The following SEPTIN9 variants were observed in gnomAD, a reference collection of about 807,000 sequenced individuals.
SEPTIN9 encodes the protein septin 9.
SEPTIN9 carries 13 observed loss-of-function variants against 56.6 expected under a neutral mutation model. The observed-to-expected ratio is 0.23, with a 90% CI of 0.15 to 0.37. SEPTIN9 has a LOEUF of 0.37. Ranked by LOEUF, SEPTIN9 falls within the 10% of genes least tolerant of loss-of-function variation. The pLI is 1.00. For missense variants in SEPTIN9, 650 were observed against 823.1 expected (o/e 0.79, Z 2.57); for synonymous variants, 332 against 334.1 (o/e 0.99, Z 0.07).
chr17:77,374,381 T>G (rs1392108434), intron 2 of SEPTIN9: 1 of 152,592 alleles, frequency 6.6e-6, no homozygotes, highest in Admixed American at 6.5e-5. Context: ...CTTTCCTGCG[T>G]CCTCTTGACT....
At chr17:77,338,511 C>T (rs899249750) in intron 2 of SEPTIN9, among the ~76,000 whole-genome samples, 1 of 152,078 alleles carries the variant, frequency 6.6e-6, no homozygotes, top group Non-Finnish European at 1.5e-5. Flanking sequence ...CTCTGCCTCC[C>T]GGGTTCAAGC....
At chr17:77,320,461 A>C (rs975484574) in intron 2 of SEPTIN9, 33 of 953,444 alleles carry the variant, frequency 3.5e-5, no homozygotes, top group Non-Finnish European at 5.5e-5. Context: ...TTTTTCACAG[A>C]AATATTTCTT....
rs1167031130 is a variant in SEPTIN9, at chr17:77,475,882, A to G, written c.722-6262A>G. 5 of 1,611,888 alleles carry G rather than the reference A, an allele frequency of 3.1e-6. No homozygotes were observed. In the South Asian group the frequency reaches 5.5e-5, roughly 18 times the overall value. On this transcript the variant is annotated intron_variant, in intron 3 of 11. Transcript: ENST00000427177. This position sits in a 1 kb window ranked among gnomAD's most constrained non-coding sequence, Gnocchi z 4.6. Reference sequence around the variant, plus strand: ...GGATGACCTTGCATTCTGCTTGGCCACCATTGGCAGTGACAGACAAGGTGT... The same window carrying G: ...GGATGACCTTGCATTCTGCTTGGCCGCCATTGGCAGTGACAGACAAGGTGT...
intron 2 of SEPTIN9, chr17:77,373,264 G>C: frequency 8.8e-7 from 1 of 1,140,780 alleles, no homozygotes; most frequent in Non-Finnish European, 1.1e-6. Flanking sequence ...GCGGGAACCT[G>C]ATCCGCCCGG....
intron 2 of SEPTIN9, among the ~76,000 whole-genome samples, chr17:77,363,843 CA>C (rs774992434): frequency 6.6e-6 from 1 of 151,670 alleles, no homozygotes; most frequent in Non-Finnish European, 1.5e-5. Flanking sequence ...ACAGACACTC[CA>C]GGGGGTCCGT....
At chr17:77,378,004 G>T (rs574206978) in intron 2 of SEPTIN9, among the ~76,000 whole-genome samples, 1 of 152,302 alleles carries the variant, frequency 6.6e-6, no homozygotes, top group Non-Finnish European at 1.5e-5. Flanking sequence ...GGGCCAGACA[G>T]ACCCACTGTC....
At position 77,307,189 on chromosome 17, in the gene SEPTIN9, G is replaced by T. The variant is rs2032305097; in HGVS notation, c.68G>T (p.Ser23Ile). The T allele has an allele frequency of 6.2e-7, 1 of 1,613,704 alleles. No homozygotes were observed. Among genetic ancestry groups the T allele is most frequent in the Non-Finnish European group, 8.5e-7 (1 of 1,179,830 alleles). ...SGRLRRLGDS[S>I]GPALKRSFEV... is the part of the protein sequence containing the mutation. ...CGGCTCCGGAGGCTTGGTGACTCCA[G>T]TGGCCCAGGTAGGTGGCTCGCTCCG... The change falls in exon 2 of 12, where the codon AGT becomes ATT. Residue 23 changes from serine to isoleucine, a missense_variant. Ser to Ile is a moderately radical substitution (Grantham distance 142). Transcript: ENST00000427177.
At chr17:77,411,397 C>CT (rs55741267) in intron 3 of SEPTIN9, among the ~76,000 whole-genome samples, 198 of 142,168 alleles carry the variant, frequency 1.4e-3, no homozygotes, top group Middle Eastern at 3.6e-3. Context: ...TTTTCTTTTT[C>CT]TTTTTTTTTT....
rs190289677 is a variant in SEPTIN9, at chr17:77,291,422, C to T, written c.19+9868C>T. On this transcript the variant is annotated intron_variant, in intron 1 of 11. Transcript: ENST00000427177. ...TAGCACTTTGGGAGGCCAAGGAGGT[C>T]GGGAGTTCGAGACCAGCCTGACCAA... Among the ~76,000 whole-genome samples, 427 of 151,028 alleles carry T rather than the reference C, an allele frequency of 2.8e-3. 2 individuals are homozygous for T. Among genetic ancestry groups the T allele is most frequent in the Admixed American group, 6.1e-3 (93 of 15,170 alleles).
At chr17:77,398,839 C>T (rs1293377096) in intron 2 of SEPTIN9, among the ~76,000 whole-genome samples, 6 of 152,190 alleles carry the variant, frequency 3.9e-5, no homozygotes, top group Non-Finnish European at 7.3e-5. Context: ...TGTCTCAGAG[C>T]TTACTGAGAG....
At chr17:77,422,105 G>GC (rs1302270764) in intron 3 of SEPTIN9, among the ~76,000 whole-genome samples, 1 of 152,144 alleles carries the variant, frequency 6.6e-6, no homozygotes, top group Non-Finnish European at 1.5e-5. Context: ...TGATCCTCCT[G>GC]CCTTGGCCTG....
intron 3 of SEPTIN9, among the ~76,000 whole-genome samples, chr17:77,443,101 G>C (rs1456756409): frequency 6.6e-6 from 1 of 152,148 alleles, no homozygotes; most frequent in Non-Finnish European, 1.5e-5. Flanking sequence ...AGGGGCAAAA[G>C]CACATATTAT....
At chr17:77,415,528 A>G (rs1177354024) in intron 3 of SEPTIN9, among the ~76,000 whole-genome samples, 1 of 151,202 alleles carries the variant, frequency 6.6e-6, no homozygotes, top group East Asian at 2.0e-4. Context: ...AATCTGCTTG[A>G]TTCCAGGAGG....
chr17:77,473,709 G>A (rs574721112), intron 3 of SEPTIN9, among the ~76,000 whole-genome samples: 2 of 152,084 alleles, frequency 1.3e-5, no homozygotes, highest in African/African-American at 2.4e-5. Context: ...AAATCTGTCC[G>A]GAAGTCTCGG....
At chr17:77,490,676 G>A in intron 7 of SEPTIN9, 66 bp from the exon 8 acceptor site, 1 of 1,234,234 alleles carries the variant, frequency 8.1e-7, no homozygotes, top group Non-Finnish European at 1.2e-6. Context: ...ACACCTGCTT[G>A]GGGGTGGGTG....
intron 2 of SEPTIN9, among the ~76,000 whole-genome samples, chr17:77,315,124 C>T (rs1323412407): frequency 6.6e-6 from 1 of 152,138 alleles, no homozygotes; most frequent in African/African-American, 2.4e-5. Flanking sequence ...CTCTATTAGG[C>T]TCTGATGTCA....
rs376682317 is a variant in SEPTIN9, at chr17:77,327,609, C to T, written c.76+20412C>T. On this transcript the variant is annotated intron_variant, in intron 2 of 11. Transcript: ENST00000427177. The surrounding 1 kb of genome is among the most constrained non-coding windows in gnomAD (Gnocchi z 5.0). Reference sequence around the variant, plus strand: ...GAGATTCCTCTTAACCAGCGGCCCACGTTTGGAGACTGATTTGGGCTCCAG... The same window carrying T: ...GAGATTCCTCTTAACCAGCGGCCCATGTTTGGAGACTGATTTGGGCTCCAG... 3.3e-5 allele frequency among the ~76,000 whole-genome samples: 5 copies of T among 152,132 alleles called. No individual in the cohort carries two copies. The highest frequency in any genetic ancestry group is 5.9e-5 in the Non-Finnish European group (4 of 68,020).
rs2038736844 is a variant in SEPTIN9 at position 77,466,479 on chromosome 17, A to T, written c.722-15665A>T. Reference sequence around the variant, plus strand: ...GGCTGCTGCCTGTGTTAGCTGCGTGAGCGTGAGCGAGCCAGGGGTCACTAC... The same window carrying T: ...GGCTGCTGCCTGTGTTAGCTGCGTGTGCGTGAGCGAGCCAGGGGTCACTAC... On this transcript the variant is annotated intron_variant, in intron 3 of 11. Transcript: ENST00000427177. 5.1e-6 allele frequency: 5 copies of T among 985,354 alleles called. No homozygotes were observed. In the South Asian group the frequency reaches 1.9e-4, roughly 37 times the overall value. 61.0% of individuals were successfully genotyped at this position (985,354 alleles called of 1,614,324 possible). A position where few individuals can be genotyped will look rare whatever the true frequency, so the allele number is the denominator to read the frequency against.
chr17:77,411,397 CTT>C (rs55741267), intron 3 of SEPTIN9, among the ~76,000 whole-genome samples: 10,519 of 142,056 alleles, frequency 0.074, 1,083 homozygotes, highest in African/African-American at 0.23. Context: ...TTTTCTTTTT[CTT>C]TTTTTTTTTT....
Sources: gnomAD v4.1 joint callset for allele counts (sites outside exome capture counted in the v4.1 genomes callset) on GRCh38, gnomAD v4.1.1 for gene constraint, Gnocchi (gnomAD v3.1) non-coding constraint, MANE v1.5 for transcripts, NCBI Gene and HGNC (gene_info 2026-07-23, HGNC 2026-07-21) for gene names.